The following ARID2 variants were observed in gnomAD, a reference collection of about 807,000 sequenced individuals.
ARID2 encodes AT-rich interaction domain 2.
A neutral mutation model predicts 184.6 loss-of-function variants in ARID2; 32 were observed. The observed-to-expected ratio is 0.17, with a 90% CI of 0.13 to 0.23. ARID2 has a LOEUF of 0.23. Among genes scored for constraint, ARID2 ranks in the 10% least tolerant of loss-of-function variants. ARID2 has a pLI of 1.00. For missense variants in ARID2, 1,696 were observed against 2,197.6 expected (o/e 0.77, Z 4.56); for synonymous variants, 836 against 772.6 (o/e 1.08, Z -1.36).
intron 20 of ARID2, among the ~76,000 whole-genome samples, chr12:45,894,156 C>T (rs889227975): frequency 6.6e-6 from 1 of 152,166 alleles, no homozygotes; most frequent in African/African-American, 2.4e-5. Context: ...AGTTTTAAAA[C>T]TTAACTTTCC....
At chr12:45,781,292 C>G (rs541718950) in intron 3 of ARID2, among the ~76,000 whole-genome samples, 5 of 146,816 alleles carry the variant, frequency 3.4e-5, no homozygotes, top group Middle Eastern at 3.4e-3. Flanking sequence ...CAAAGTTTGA[C>G]TAGGGAGGAG....
rs2136462457 is a variant in ARID2, at chr12:45,893,526, G to A, written c.5254G>A (p.Val1752Ile). 6.2e-7 allele frequency: 1 copy of A among 1,613,598 alleles called. No homozygotes were observed. Among genetic ancestry groups the A allele is most frequent in the East Asian group, 2.2e-5 (1 of 44,862 alleles). ...TCTGAGGAGAGGATCAAGAAACCTT[G>A]TCTTTCGAGATTTTACAGTAAGCAT... is the stretch of plus-strand genomic sequence containing the variant. Reference protein sequence around the residue: ...MALRRGSRNLVFRDFTDEKEG... With the variant: ...MALRRGSRNLIFRDFTDEKEG... Residue 1752 changes from valine to isoleucine, a missense_variant, in exon 19 of 21, where the codon GTC (valine) becomes ATC (isoleucine). Val to Ile is a conservative substitution (Grantham distance 29). Around this residue, in one of 11 missense-constraint regions of ARID2, gnomAD observed 69 missense variants for 118.2 expected, o/e 0.58. Transcript: ENST00000334344.
chr12:45,850,668 G>A lies in ARID2; in HGVS notation c.2545G>A (p.Ala849Thr), dbSNP rs1475555341. The A allele has an allele frequency of 6.2e-7, 1 of 1,613,942 alleles. No homozygotes were observed. Among genetic ancestry groups the A allele is most frequent in the African/African-American group, 1.3e-5 (1 of 74,888 alleles). Residue 849 changes from alanine (A) to threonine (T), a missense_variant, in exon 15 of 21, where the codon GCA becomes ACA. Around this residue, in one of 11 missense-constraint regions of ARID2, gnomAD observed 713 missense variants for 824.4 expected, o/e 0.86. Coordinates refer to ENST00000334344, the MANE Select transcript of ARID2 (RefSeq NM_152641.4). ...CCAGTCACAAGATACTGTTATCATAGCACCCCCACAGTATGTAACAACTTC... is the reference window on the plus strand; with the variant it reads ...CCAGTCACAAGATACTGTTATCATAACACCCCCACAGTATGTAACAACTTC... ...GSQSQDTVII[A>T]PPQYVTTSAS...
intron 16 of ARID2, chr12:45,880,868 A>T (rs2045875873): frequency 5.8e-6 from 1 of 173,712 alleles, no homozygotes; most frequent in Non-Finnish European, 1.2e-5. Context: ...CAACTGTCAG[A>T]TGGCGTTCAT....
intron 3 of ARID2, among the ~76,000 whole-genome samples, chr12:45,734,237 C>T (rs1053900739): frequency 1.3e-5 from 2 of 152,182 alleles, no homozygotes; most frequent in African/African-American, 2.4e-5. Context: ...GGCATGGTGG[C>T]TCATGCCTGT....
rs563313569 is a variant in ARID2 at position 45,803,687 on chromosome 12, A to G, written c.285-7731A>G. Among the ~76,000 whole-genome samples the G allele has an allele frequency of 5.9e-5, 9 of 152,258 alleles. No homozygotes were observed. In the South Asian group the frequency reaches 1.9e-3, roughly 32 times the overall value. ...TGCATTTTCATTGTTTTTATTGCAT[A>G]GTATGGTTGACAATAGGTTCAGGTG... On this transcript the variant is annotated intron_variant, in intron 3 of 20. Transcript: ENST00000334344.
intron 3 of ARID2, among the ~76,000 whole-genome samples, chr12:45,733,168 G>A (rs957584134): frequency 1.3e-5 from 2 of 152,108 alleles, no homozygotes; most frequent in Admixed American, 6.5e-5. Flanking sequence ...AAAAGTTGAA[G>A]CATTTGTTTT....
At chr12:45,760,598 G>T (rs1223015667) in intron 3 of ARID2, among the ~76,000 whole-genome samples, 3 of 151,830 alleles carry the variant, frequency 2.0e-5, no homozygotes, top group Admixed American at 6.6e-5. Context: ...GTATATATGT[G>T]TATCTATACA....
At position 45,817,758 on chromosome 12, in the gene ARID2, C is replaced by T. The variant is rs2138092814; in HGVS notation, c.507C>T (p.Leu169=). The change falls in exon 5 of 21, where the codon CTC becomes CTT. Residue 169 remains leucine, a synonymous_variant. Transcript: ENST00000334344. ...NKLVLSLLSG[L]PNEVDFAINV... is the part of the protein sequence containing the mutation. The stretch of plus-strand genomic sequence containing the variant: ...TGGTGCTTTCACTGTTATCTGGACT[C>T]CCAAATGAAGTGGACTTTGCTATTA... The T allele has an allele frequency of 1.9e-6, 3 of 1,613,056 alleles. No homozygotes were observed. The highest frequency in any genetic ancestry group is 2.5e-6 in the Non-Finnish European group (3 of 1,179,732).
intron 3 of ARID2, among the ~76,000 whole-genome samples, chr12:45,790,415 G>A (rs564871997): frequency 6.6e-4 from 100 of 152,036 alleles, no homozygotes; most frequent in African/African-American, 2.4e-3. Context: ...ACTAAATTTG[G>A]CAAAAACTGA....
chr12:45,775,708 T>A (rs896745624), intron 3 of ARID2, among the ~76,000 whole-genome samples: 7 of 152,234 alleles, frequency 4.6e-5, no homozygotes, highest in African/African-American at 1.7e-4. Flanking sequence ...ACTTTAGGTA[T>A]GCTCTAAAAT....
chr12:45,864,816 A>G (rs953604840), intron 16 of ARID2, among the ~76,000 whole-genome samples: 8 of 152,194 alleles, frequency 5.3e-5, no homozygotes, highest in African/African-American at 1.9e-4. Context: ...ACCCCCTTTT[A>G]TCAGTCATTT....
chr12:45,863,104 C>T (rs1171706895), intron 16 of ARID2, among the ~76,000 whole-genome samples: 3 of 152,108 alleles, frequency 2.0e-5, no homozygotes, highest in African/African-American at 7.2e-5. Context: ...GTGCTGTTTG[C>T]AACATATTGG....
At chr12:45,782,106 G>A (rs1223336607) in intron 3 of ARID2, among the ~76,000 whole-genome samples, 1 of 152,030 alleles carries the variant, frequency 6.6e-6, no homozygotes, top group East Asian at 1.9e-4. Context: ...AAAGAGAGTA[G>A]ATTTAAAAAG....
At chr12:45,882,558 A>G (rs150854226) in intron 16 of ARID2, among the ~76,000 whole-genome samples, 1 of 152,386 alleles carries the variant, frequency 6.6e-6, no homozygotes, top group African/African-American at 2.4e-5. Context: ...AATGTTACAC[A>G]TAAAACTGCC....
chr12:45,872,632 C>T (rs915349429), intron 16 of ARID2, among the ~76,000 whole-genome samples: 5 of 152,220 alleles, frequency 3.3e-5, no homozygotes, highest in Non-Finnish European at 7.3e-5. Context: ...ATCGTCAGAT[C>T]TCGTGAGAAC....
intron 3 of ARID2, among the ~76,000 whole-genome samples, chr12:45,751,303 G>A (rs532382214): frequency 2.6e-5 from 4 of 152,192 alleles, no homozygotes; most frequent in Non-Finnish European, 5.9e-5. Flanking sequence ...AGTATGCTTG[G>A]TATGTTCAAA....
intron 3 of ARID2, among the ~76,000 whole-genome samples, chr12:45,758,784 G>A (rs529658808): frequency 6.6e-6 from 1 of 152,264 alleles, no homozygotes; most frequent in East Asian, 1.9e-4. Flanking sequence ...AAAGAGAGAA[G>A]AAGCACTTTT....
chr12:45,821,326 A>C, intron 5 of ARID2, 94 bp from the exon 6 acceptor site: 1 of 651,024 alleles, frequency 1.5e-6, no homozygotes, highest in Non-Finnish European at 2.5e-6. Context: ...ATTAAGATGT[A>C]GTTTTGTTGT....
Sources: allele counts gnomAD v4.1 joint callset (sites outside exome capture counted in the v4.1 genomes callset), GRCh38; gene constraint gnomAD v4.1.1; regional missense constraint gnomAD v4.1.1; transcripts MANE v1.5; gene names NCBI Gene and HGNC (gene_info 2026-07-23, HGNC 2026-07-21).